The following TMEM131L variants were observed in gnomAD, a reference collection of about 807,000 sequenced individuals.
TMEM131L encodes transmembrane 131 like.
TMEM131L carries 54 observed loss-of-function variants against 192.2 expected under a neutral mutation model. The ratio of observed to expected loss-of-function variants is 0.28; its 90% confidence interval spans 0.23 to 0.35. The LOEUF (loss-of-function observed/expected upper bound fraction) is 0.35, where lower values mean the gene tolerates loss of function less well. Ranked by LOEUF, TMEM131L falls within the 10% of genes least tolerant of loss-of-function variation. The probability of loss-of-function intolerance (pLI) is 1.00; values close to 1 mark genes in which losing one functional copy is unlikely to be tolerated. For synonymous variants in TMEM131L, 701 were observed against 704.9 expected, an observed-to-expected ratio of 0.99 and a Z score of 0.09; for missense variants, 1,888 against 1,972.9, an observed-to-expected ratio of 0.96 and a Z score of 0.82.
At chr4:153,520,678 A>G (rs1159678482) in intron 3 of TMEM131L, among the ~76,000 whole-genome samples, 1 of 152,218 alleles carries the variant, frequency 6.6e-6, no homozygotes, top group Non-Finnish European at 1.5e-5. Context: ...AGCAAGGGCT[A>G]TCTCTGTGCC....
At chr4:153,474,696 C>T (rs1380481201) in intron 3 of TMEM131L, among the ~76,000 whole-genome samples, 1 of 152,150 alleles carries the variant, frequency 6.6e-6, no homozygotes, top group East Asian at 1.9e-4. Flanking sequence ...GCTGGGATTA[C>T]AGGCGTGTGT....
At chr4:153,494,054 G>A (rs1732987304) in intron 3 of TMEM131L, among the ~76,000 whole-genome samples, 1 of 152,040 alleles carries the variant, frequency 6.6e-6, no homozygotes, top group South Asian at 2.1e-4. Context: ...TGGGCTCTGG[G>A]TTTGAATCCT....
chr4:153,519,969 G>T (rs1734993579), intron 3 of TMEM131L, among the ~76,000 whole-genome samples: 1 of 152,194 alleles, frequency 6.6e-6, no homozygotes, highest in African/African-American at 2.4e-5. Context: ...AATGCCAAGT[G>T]AATGATATAC....
chr4:153,574,575 T>C (rs1729809142), intron 7 of TMEM131L, among the ~76,000 whole-genome samples: 1 of 152,180 alleles, frequency 6.6e-6, no homozygotes, highest in Non-Finnish European at 1.5e-5. Context: ...GAATCAGTGT[T>C]CCAGATGCAT....
At chr4:153,594,736 CCTTT>C (rs1181345149) in intron 19 of TMEM131L, among the ~76,000 whole-genome samples, 1 of 152,176 alleles carries the variant, frequency 6.6e-6, no homozygotes, top group African/African-American at 2.4e-5. Context: ...CACAGACTCT[CCTTT>C]CTTTTCTTAA....
Position 153,591,034 on chromosome 4 carries a change from T to C in TMEM131L, c.1671-19T>C. The stretch of plus-strand genomic sequence containing the variant: ...ATATCAAAATATTTTTCATAATAGT[T>C]TCTTTATCAATTAAACAGGAGGAAT... On this transcript the variant is annotated intron_variant, in intron 16 of 34. Transcript: ENST00000409959. 6.8e-7 allele frequency: 1 copy of C among 1,467,378 alleles called. No individual in the cohort carries two copies. Among genetic ancestry groups the C allele is most frequent in the Non-Finnish European group, 9.1e-7 (1 of 1,100,872 alleles). The allele number at this position is 1,467,378 out of a possible 1,614,324, so 90.9% of individuals were successfully genotyped here. A position where few individuals can be genotyped will look rare whatever the true frequency, so the allele number is the denominator to read the frequency against.
chr4:153,610,861 G>T (rs1469049771), intron 25 of TMEM131L, among the ~76,000 whole-genome samples: 1 of 152,084 alleles, frequency 6.6e-6, no homozygotes, highest in Non-Finnish European at 1.5e-5. Flanking sequence ...TGCTTTGCTG[G>T]GAAATATTTG....
At chr4:153,494,269 G>A (rs1733002786) in intron 3 of TMEM131L, among the ~76,000 whole-genome samples, 1 of 152,184 alleles carries the variant, frequency 6.6e-6, no homozygotes. Flanking sequence ...ATTTCTTAAG[G>A]AAGTAGGATA....
chr4:153,532,984 CTT>C (rs70963190), intron 3 of TMEM131L, among the ~76,000 whole-genome samples: 103 of 129,580 alleles, frequency 7.9e-4, no homozygotes, highest in African/African-American at 2.0e-3. Context: ...TTTCTCAATT[CTT>C]TTTTTTTTTT....
At chr4:153,493,979 G>A (rs1481135937) in intron 3 of TMEM131L, among the ~76,000 whole-genome samples, 1 of 152,104 alleles carries the variant, frequency 6.6e-6, no homozygotes, top group Admixed American at 6.5e-5. Context: ...CCTGGCTTCC[G>A]GGTGACAGAA....
intron 3 of TMEM131L, among the ~76,000 whole-genome samples, chr4:153,483,354 T>C (rs1305804328): frequency 6.6e-6 from 1 of 152,196 alleles, no homozygotes; most frequent in Non-Finnish European, 1.5e-5. Context: ...AATGGAATCA[T>C]TCAGTAAGAT....
At chr4:153,587,011 C>G (rs1185106845) in intron 14 of TMEM131L, among the ~76,000 whole-genome samples, 1 of 152,088 alleles carries the variant, frequency 6.6e-6, no homozygotes, top group Non-Finnish European at 1.5e-5. Flanking sequence ...ATGCAACATT[C>G]ATGCAACCAT....
intron 25 of TMEM131L, among the ~76,000 whole-genome samples, chr4:153,609,258 C>T (rs1471492832): frequency 7.9e-5 from 12 of 152,156 alleles, no homozygotes; most frequent in Admixed American, 7.2e-4. Context: ...GAAGCAAGCA[C>T]GTCTTGCATG....
intron 3 of TMEM131L, among the ~76,000 whole-genome samples, chr4:153,524,629 G>A (rs1194330232): frequency 6.6e-6 from 1 of 152,182 alleles, no homozygotes; most frequent in Non-Finnish European, 1.5e-5. Flanking sequence ...CTTGGTAGGA[G>A]GCCTAGGTTT....
At position 153,563,812 on chromosome 4, in the gene TMEM131L, G is replaced by A. The variant is rs538231732; in HGVS notation, c.660+5444G>A. Among the ~76,000 whole-genome samples, 19 of 152,166 alleles carry A rather than the reference G, an allele frequency of 1.2e-4. No individual in the cohort carries two copies. The South Asian group carries it at 2.9e-3, about 23-fold the overall frequency. ...CAGCGTTGTGATATACACGAACCAC[G>A]TGTGGTATTTCTCTTCACATTTATT... On this transcript the variant is annotated intron_variant, in intron 7 of 34. Transcript: ENST00000409959.
At chr4:153,570,963 C>A (rs564835591) in intron 7 of TMEM131L, among the ~76,000 whole-genome samples, 2 of 152,278 alleles carry the variant, frequency 1.3e-5, no homozygotes, top group African/African-American at 4.8e-5. Context: ...TTGTTCTCCA[C>A]TGTTCAATTT....
intron 4 of TMEM131L, among the ~76,000 whole-genome samples, chr4:153,553,031 T>G (rs1408331422): frequency 6.6e-6 from 1 of 152,146 alleles, no homozygotes; most frequent in Non-Finnish European, 1.5e-5. Flanking sequence ...ACACTTTTGT[T>G]AATTAGCAAT....
At chr4:153,548,595 G>A (rs768338106) in intron 3 of TMEM131L, among the ~76,000 whole-genome samples, 3 of 152,196 alleles carry the variant, frequency 2.0e-5, no homozygotes, top group South Asian at 2.1e-4. Flanking sequence ...GAGCCACTGC[G>A]TCCGGCGGCA....
chr4:153,625,145 C>T (rs1733743421), intron 29 of TMEM131L, among the ~76,000 whole-genome samples: 1 of 152,178 alleles, frequency 6.6e-6, no homozygotes, highest in South Asian at 2.1e-4. Flanking sequence ...GGCGCAGTGG[C>T]TCACACCTGC....
Sources: allele counts gnomAD v4.1 joint callset (sites outside exome capture counted in the v4.1 genomes callset), GRCh38; gene constraint gnomAD v4.1.1; transcripts MANE v1.5; gene names NCBI Gene and HGNC (gene_info 2026-07-23, HGNC 2026-07-21).